The following EFCAB6 variants were observed in gnomAD, a reference collection of about 807,000 sequenced individuals.
EFCAB6 encodes the protein EF-hand calcium binding domain 6.
Under a neutral mutation model 169.8 loss-of-function variants are expected in EFCAB6, and 156 were observed. The ratio of observed to expected loss-of-function variants is 0.92; its 90% CI spans 0.81 to 1.05. The LOEUF is 1.05. EFCAB6 is among the 50% of genes least tolerant of loss of function. The pLI is 0.00. For synonymous variants in EFCAB6, 698 were observed against 676.4 expected (o/e 1.03, Z -0.50); for missense variants, 1,800 against 1,829.1 (o/e 0.98, Z 0.29).
chr22:43,687,464 T>TTTAA lies in EFCAB6; in HGVS notation c.1142+6_1142+7insTTAA. ...TAAAATTTGTTTTTTTTTTTTTTTT[T>TTTAA]ACATACCTATTTCTTTTTGTCAGGG... On this transcript the variant is annotated splice_region_variant and intron_variant, in intron 11 of 31. Transcript: ENST00000262726. 7.7e-6 allele frequency: 11 copies of TTTAA among 1,422,180 alleles called. No homozygotes were observed. The highest frequency in any genetic ancestry group is 1.1e-5 in the Non-Finnish European group (11 of 1,046,288). 88.1% of individuals were successfully genotyped at this position (1,422,180 alleles called of 1,614,324 possible).
chr22:43,751,969 A>G (rs2060786209), intron 6 of EFCAB6, among the ~76,000 whole-genome samples: 1 of 152,162 alleles, frequency 6.6e-6, no homozygotes, highest in Admixed American at 6.5e-5. Context: ...AGCTATTATT[A>G]CTAGAGTTGG....
At chr22:43,745,253 T>C (rs1158096577) in intron 6 of EFCAB6, among the ~76,000 whole-genome samples, 5 of 152,284 alleles carry the variant, frequency 3.3e-5, no homozygotes, top group East Asian at 3.9e-4. Context: ...TTAAAGAAGA[T>C]GAGAAAAGGC....
chr22:43,720,377 T>C (rs1452444242), intron 8 of EFCAB6, among the ~76,000 whole-genome samples: 1 of 150,044 alleles, frequency 6.7e-6, no homozygotes, highest in East Asian at 1.9e-4. Flanking sequence ...CCGGGCACAG[T>C]AGCATGTACC....
chr22:43,741,300 T>C (rs898806660), intron 6 of EFCAB6, among the ~76,000 whole-genome samples: 2 of 152,014 alleles, frequency 1.3e-5, no homozygotes, highest in African/African-American at 4.8e-5. Flanking sequence ...TATGAGCTCC[T>C]ATTTATAGAT....
At chr22:43,599,979 G>A in intron 23 of EFCAB6, 90 bp downstream of exon 23, 1 of 1,358,170 alleles carries the variant, frequency 7.4e-7, no homozygotes, top group Non-Finnish European at 1.0e-6. Context: ...TGCCAGCATG[G>A]GAAGGTACCA....
chr22:43,722,062 C>T (rs2059548797), intron 8 of EFCAB6, among the ~76,000 whole-genome samples: 1 of 151,990 alleles, frequency 6.6e-6, no homozygotes, highest in South Asian at 2.1e-4. Context: ...AAACAAATAA[C>T]CCCATTAAAA....
chr22:43,536,111 G>A (rs2147024966), intron 29 of EFCAB6: 1 of 152,142 alleles, frequency 6.6e-6, no homozygotes, highest in South Asian at 2.1e-4. Context: ...ATGAGTTCAT[G>A]GTTGAAAAGA....
chr22:43,784,185 G>A (rs1028451250), intron 2 of EFCAB6, among the ~76,000 whole-genome samples: 2 of 152,134 alleles, frequency 1.3e-5, no homozygotes, highest in Non-Finnish European at 1.5e-5. Context: ...GAAAAGAGTA[G>A]AGTGAAATAT....
chr22:43,701,333 T>C (rs991796362), intron 10 of EFCAB6, among the ~76,000 whole-genome samples: 1 of 152,222 alleles, frequency 6.6e-6, no homozygotes, highest in African/African-American at 2.4e-5. Flanking sequence ...TCTTAGGAGA[T>C]GACATTATTA....
In EFCAB6 at chr22:43,687,464, T is replaced by TA. The variant is rs71188404; in HGVS notation, c.1142+6dup. 12 of 1,422,230 alleles carry TA rather than the reference T, an allele frequency of 8.4e-6. No individual in the cohort carries two copies. Among genetic ancestry groups the TA allele is most frequent in the South Asian group, 2.7e-5 (2 of 73,502 alleles). The allele number at this position is 1,422,230 out of a possible 1,614,324, so 88.1% of individuals were successfully genotyped here. On this transcript the variant is annotated splice_region_variant and intron_variant, in intron 11 of 31. Transcript: ENST00000262726. ...TAAAATTTGTTTTTTTTTTTTTTTT[T>TA]ACATACCTATTTCTTTTTGTCAGGG...
At chr22:43,785,456 A>C (rs2062042985) in intron 2 of EFCAB6, among the ~76,000 whole-genome samples, 1 of 152,238 alleles carries the variant, frequency 6.6e-6, no homozygotes, top group Non-Finnish European at 1.5e-5. Context: ...AAATAGTTTT[A>C]GATGGATGAA....
intron 23 of EFCAB6, among the ~76,000 whole-genome samples, chr22:43,594,275 C>CAAAAAAAAAAAAAAA (rs750560174): frequency 2.5e-5 from 2 of 81,494 alleles, no homozygotes; most frequent in African/African-American, 5.3e-5. Flanking sequence ...AACTCTGTTT[C>CAAAAAAAAAAAAAAA]AAAAAAAAAA....
At chr22:43,799,329 C>A (rs1039767279) in intron 2 of EFCAB6, among the ~76,000 whole-genome samples, 5 of 146,548 alleles carry the variant, frequency 3.4e-5, no homozygotes, top group Non-Finnish European at 7.5e-5. Flanking sequence ...GAATCTGTCT[C>A]CACACACACA....
rs2060927025 is a variant in EFCAB6 at position 43,755,572 on chromosome 22, C to A, written c.507+194G>T. Reference sequence around the variant, plus strand: ...TGTCACTCATCAAAAGAGATGCCATCCAAGACAGTCAAAGTAGTCGGAATA... The same window carrying A: ...TGTCACTCATCAAAAGAGATGCCATACAAGACAGTCAAAGTAGTCGGAATA... On this transcript the variant is annotated intron_variant, in intron 6 of 31. Coordinates refer to ENST00000262726, the MANE Select transcript of EFCAB6 (RefSeq NM_022785.4). Among the ~76,000 whole-genome samples, 4 of 152,222 alleles carry A rather than the reference C, an allele frequency of 2.6e-5. 1 individual carries two copies. The highest frequency in any genetic ancestry group is 1.5e-5 in the Non-Finnish European group (1 of 68,038).
chr22:43,588,636 G>A (rs1410690120), intron 24 of EFCAB6, among the ~76,000 whole-genome samples: 1 of 151,938 alleles, frequency 6.6e-6, no homozygotes, highest in Non-Finnish European at 1.5e-5. Flanking sequence ...ATAGAACAGG[G>A]GAGGAATTCA....
chr22:43,672,542 T>C (rs1457856488), intron 13 of EFCAB6, among the ~76,000 whole-genome samples: 3 of 152,190 alleles, frequency 2.0e-5, no homozygotes, highest in Non-Finnish European at 2.9e-5. Context: ...TGCAGGGACA[T>C]AGACGGAGCT....
At position 43,615,925 on chromosome 22, in the gene EFCAB6, T is replaced by C; in HGVS notation, c.2466-3A>G. 6.2e-7 allele frequency: 1 copy of C among 1,609,668 alleles called. No homozygotes were observed. The highest frequency in any genetic ancestry group is 1.1e-5 in the South Asian group (1 of 90,334). The stretch of plus-strand genomic sequence containing the variant: ...AATCCGCAACCTTCTGTTTTGGTCT[T>C]AAAAGAAAAAAAATAATAAATAACT... On this transcript the variant is annotated splice_region_variant and splice_polypyrimidine_tract_variant and intron_variant, in intron 20 of 31. Transcript: ENST00000262726.
At chr22:43,805,743 G>C (rs6006446) in intron 2 of EFCAB6, among the ~76,000 whole-genome samples, 45,825 of 152,038 alleles carry the variant, frequency 0.3, 7,295 homozygotes, top group Middle Eastern at 0.4. Flanking sequence ...AATATCTCAG[G>C]TGATGGATAT....
At chr22:43,586,340 ATTT>A (rs36058832) in intron 24 of EFCAB6, among the ~76,000 whole-genome samples, 9 of 72,902 alleles carry the variant, frequency 1.2e-4, no homozygotes, top group Admixed American at 3.8e-4. Flanking sequence ...GCAACAACTG[ATTT>A]TTTTTTTTTT....
Sources: allele counts gnomAD v4.1 joint callset (sites outside exome capture counted in the v4.1 genomes callset), GRCh38; gene constraint gnomAD v4.1.1; transcripts MANE v1.5; gene names NCBI Gene and HGNC (gene_info 2026-07-23, HGNC 2026-07-21).